The following TTC28 variants were observed in gnomAD, a reference collection of about 807,000 sequenced individuals.
TTC28 encodes tetratricopeptide repeat domain 28, also known as tetratricopeptide repeat protein 28.
TTC28 carries 61 observed loss-of-function variants against 198.0 expected under a neutral mutation model. The ratio of observed to expected loss-of-function variants is 0.31; its 90% CI spans 0.25 to 0.38. TTC28 has a LOEUF of 0.38. Ranked by LOEUF, TTC28 falls within the 10% of genes least tolerant of loss-of-function variation. The pLI is 1.00. For synonymous variants in TTC28, 1,171 were observed against 1,297.8 expected (o/e 0.90, Z 2.10); for missense variants, 2,678 against 3,164.0 (o/e 0.85, Z 3.69).
rs1257300793 is a variant in TTC28 at position 28,005,299 on chromosome 22, GCTGCC to G, written c.4219-3751_4219-3747del. ...AGGCCACCATGCACAGCACTGTGGG[GCTGCC>G]CTGGGGCACGGTGATGACAGGGGTT... On this transcript the variant is annotated intron_variant, in intron 14 of 22. Transcript: ENST00000397906. This position sits in a 1 kb window ranked among gnomAD's most constrained non-coding sequence, Gnocchi z 4.9. Among the ~76,000 whole-genome samples the G allele has an allele frequency of 6.6e-6, 1 of 152,220 alleles. No individual in the cohort carries two copies. Among genetic ancestry groups the G allele is most frequent in the Non-Finnish European group, 1.5e-5 (1 of 68,038 alleles).
At chr22:28,394,741 G>A (rs185252843) in intron 2 of TTC28, among the ~76,000 whole-genome samples, 42 of 152,258 alleles carry the variant, frequency 2.8e-4, no homozygotes, top group Admixed American at 2.0e-3. Context: ...TCTCCATAAT[G>A]AGGGTGGTCT....
intron 2 of TTC28, among the ~76,000 whole-genome samples, chr22:28,527,816 A>G (rs2049037096): frequency 6.6e-6 from 1 of 151,924 alleles, no homozygotes; most frequent in Non-Finnish European, 1.5e-5. Flanking sequence ...TATTTTTTGT[A>G]GAGATGGGGT....
At chr22:28,141,651 C>T (rs962602055) in intron 6 of TTC28, among the ~76,000 whole-genome samples, 4 of 151,934 alleles carry the variant, frequency 2.6e-5, no homozygotes, top group Non-Finnish European at 5.9e-5. Flanking sequence ...CTGAAGGAAC[C>T]CTTTACAACT....
At chr22:28,531,072 T>C (rs1245317368) in intron 2 of TTC28, among the ~76,000 whole-genome samples, 1 of 152,128 alleles carries the variant, frequency 6.6e-6, no homozygotes, top group African/African-American at 2.4e-5. Context: ...TAACCTTAAA[T>C]GTAAATGGAC....
chr22:28,162,136 A>G (rs957319056), intron 6 of TTC28, among the ~76,000 whole-genome samples: 1 of 152,210 alleles, frequency 6.6e-6, no homozygotes, highest in Admixed American at 6.5e-5. Flanking sequence ...ATACAGGGAT[A>G]AGATAATATC....
At chr22:28,525,384 G>A (rs2048987523) in intron 2 of TTC28, among the ~76,000 whole-genome samples, 1 of 152,128 alleles carries the variant, frequency 6.6e-6, no homozygotes, top group Admixed American at 6.6e-5. Flanking sequence ...AAACACCTGA[G>A]CTCAAATGGA....
At chr22:28,346,611 G>A (rs1243871684) in intron 2 of TTC28, among the ~76,000 whole-genome samples, 2 of 152,198 alleles carry the variant, frequency 1.3e-5, no homozygotes, top group East Asian at 3.9e-4. Context: ...CAAGGAGTGG[G>A]ACTTGTGGAC....
intron 2 of TTC28, among the ~76,000 whole-genome samples, chr22:28,575,724 C>T (rs2050136197): frequency 6.6e-6 from 1 of 152,104 alleles, no homozygotes; most frequent in African/African-American, 2.4e-5. Flanking sequence ...AGATCTTTCA[C>T]TTCTTTGGTT....
chr22:28,597,310 C>T (rs1037765312), intron 2 of TTC28, among the ~76,000 whole-genome samples: 1 of 152,094 alleles, frequency 6.6e-6, no homozygotes, highest in Non-Finnish European at 1.5e-5. Context: ...AAAACTGAAA[C>T]TCTACACTCA....
intron 2 of TTC28, among the ~76,000 whole-genome samples, chr22:28,553,671 G>T (rs956289086): frequency 6.6e-6 from 1 of 151,528 alleles, no homozygotes; most frequent in Admixed American, 6.6e-5. Flanking sequence ...CAGCCCCCGC[G>T]CCAGGCCAGC....
intron 2 of TTC28, among the ~76,000 whole-genome samples, chr22:28,545,395 C>A (rs1383690326): frequency 6.6e-6 from 1 of 151,950 alleles, no homozygotes; most frequent in Non-Finnish European, 1.5e-5. Flanking sequence ...CATAGTGAGA[C>A]CCTGTCTCTA....
intron 2 of TTC28, among the ~76,000 whole-genome samples, chr22:28,479,104 C>T (rs980887029): frequency 6.6e-6 from 1 of 152,066 alleles, no homozygotes; most frequent in African/African-American, 2.4e-5. Context: ...CACAGCTGAC[C>T]GGACCAAGTT....
At chr22:28,506,617 TC>T (rs992526191) in intron 2 of TTC28, among the ~76,000 whole-genome samples, 14 of 152,136 alleles carry the variant, frequency 9.2e-5, no homozygotes, top group Admixed American at 8.5e-4. Flanking sequence ...AGGTGAGACC[TC>T]CCAACAGGGG....
chr22:28,160,715 A>G (rs1601404459), intron 6 of TTC28, among the ~76,000 whole-genome samples: 1 of 152,360 alleles, frequency 6.6e-6, no homozygotes, highest in African/African-American at 2.4e-5. Flanking sequence ...AGTAGTTGAC[A>G]CTGAGGAGTG....
chr22:28,150,623 G>A (rs1272199402), intron 6 of TTC28, among the ~76,000 whole-genome samples: 6 of 152,216 alleles, frequency 3.9e-5, no homozygotes, highest in Non-Finnish European at 2.9e-5. Flanking sequence ...GGTCCAGGGT[G>A]CAGTGTCCAG....
chr22:28,412,653 C>T (rs981858968), intron 2 of TTC28, among the ~76,000 whole-genome samples: 4 of 152,190 alleles, frequency 2.6e-5, no homozygotes, highest in African/African-American at 9.6e-5. Flanking sequence ...CAAAATTTTA[C>T]TCCTCCTTTA....
intron 6 of TTC28, among the ~76,000 whole-genome samples, chr22:28,116,606 T>C (rs1165025491): frequency 6.6e-6 from 1 of 152,018 alleles, no homozygotes; most frequent in East Asian, 1.9e-4. Flanking sequence ...CAATAAGAGG[T>C]GGGAGGCAGC....
intron 3 of TTC28, 110 bp from the exon 4 acceptor site, chr22:28,297,962 T>A: frequency 8.0e-7 from 1 of 1,246,368 alleles, no homozygotes; most frequent in Non-Finnish European, 1.1e-6. Flanking sequence ...CTTTTGTGGC[T>A]TATTTCAAGT....
Position 28,450,027 on chromosome 22 carries a change from A to C in TTC28, c.382-143384T>G, listed in dbSNP as rs961485490. 2.6e-5 allele frequency among the ~76,000 whole-genome samples: 4 copies of C among 152,194 alleles called. No individual in the cohort carries two copies. The East Asian group carries it at 7.7e-4, about 29-fold the overall frequency. On this transcript the variant is annotated intron_variant, in intron 2 of 22. Transcript: ENST00000397906. ...ATTCTGTTTAAGACTTGTAGGATCT[A>C]AGGTACTTAGAGGCACAGGGATGTG...
Sources: allele counts gnomAD v4.1 joint callset (sites outside exome capture counted in the v4.1 genomes callset), GRCh38; gene constraint gnomAD v4.1.1; non-coding constraint Gnocchi (gnomAD v3.1); transcripts MANE v1.5; gene names NCBI Gene and HGNC (gene_info 2026-07-23, HGNC 2026-07-21).